Variants in AUTS2 observed in about 807,000 individuals in gnomAD.
AUTS2 encodes activator of transcription and developmental regulator AUTS2, also known as autism susceptibility gene 2 protein.
AUTS2 carries 17 observed loss-of-function variants against 112.4 expected under a neutral mutation model. That is an observed-to-expected ratio of 0.15 (90% CI 0.10 to 0.23). AUTS2 has a LOEUF of 0.23. Among genes scored for constraint, AUTS2 ranks in the 10% least tolerant of loss-of-function variants. The pLI is 1.00. For synonymous variants in AUTS2, 751 were observed against 702.7 expected (o/e 1.07, Z -1.09); for missense variants, 1,510 against 1,701.6 (o/e 0.89, Z 1.98).
At position 70,791,316 on chromosome 7, in the gene AUTS2, G is replaced by C. The variant is rs927272596; in HGVS notation, c.*320G>C. 13 of 215,524 alleles carry C rather than the reference G, an allele frequency of 6.0e-5. No individual in the cohort carries two copies. In the South Asian group the frequency reaches 1.1e-3, roughly 18 times the overall value. The allele number at this position is 215,524 out of a possible 1,614,324, so 13.4% of individuals were successfully genotyped here. On this transcript the variant is annotated 3_prime_UTR_variant, in exon 19 of 19. Coordinates refer to ENST00000342771, the MANE Select transcript of AUTS2 (RefSeq NM_015570.4). The stretch of plus-strand genomic sequence containing the variant: ...GATGATAATTGTAGCGGGGGCGGTG[G>C]GGGGGAGAAGTCCACGCCATCCATC...
intron 1 of AUTS2, among the ~76,000 whole-genome samples, chr7:69,725,636 C>T (rs745625975): frequency 1.4e-4 from 22 of 152,202 alleles, no homozygotes; most frequent in Non-Finnish European, 2.8e-4. Flanking sequence ...GGCTGGAGAA[C>T]TGGGTTTGTC....
chr7:70,007,000 C>T (rs968529154), intron 2 of AUTS2, among the ~76,000 whole-genome samples: 3 of 152,148 alleles, frequency 2.0e-5, no homozygotes, highest in Non-Finnish European at 4.4e-5. Context: ...TAGGTTTTCG[C>T]AAAGCAGAAT....
intron 2 of AUTS2, among the ~76,000 whole-genome samples, chr7:69,999,382 C>T (rs1271145571): frequency 6.6e-6 from 1 of 152,086 alleles, no homozygotes; most frequent in Non-Finnish European, 1.5e-5. Flanking sequence ...TGCTATCTTA[C>T]AATGAAGATA....
At chr7:70,273,123 A>C (rs1484449355) in intron 4 of AUTS2, among the ~76,000 whole-genome samples, 2 of 152,102 alleles carry the variant, frequency 1.3e-5, no homozygotes, top group African/African-American at 4.8e-5. Context: ...ATCTTGGCTC[A>C]CTGCAACCTC....
chr7:69,667,064 G>A (rs1218014940), intron 1 of AUTS2, among the ~76,000 whole-genome samples: 1 of 152,160 alleles, frequency 6.6e-6, no homozygotes, highest in Non-Finnish European at 1.5e-5. Context: ...CACATCTGGT[G>A]ATGGCCTTCT....
At chr7:69,665,601 A>G (rs1795995759) in intron 1 of AUTS2, among the ~76,000 whole-genome samples, 1 of 152,176 alleles carries the variant, frequency 6.6e-6, no homozygotes, top group African/African-American at 2.4e-5. Flanking sequence ...TACTTTGTCC[A>G]GCTGTTTCTT....
intron 6 of AUTS2, among the ~76,000 whole-genome samples, chr7:70,710,473 C>A (rs1372588711): frequency 6.6e-6 from 1 of 152,220 alleles, no homozygotes; most frequent in African/African-American, 2.4e-5. Flanking sequence ...TCATCTAGGT[C>A]TTTTTGACTG....
intron 4 of AUTS2, among the ~76,000 whole-genome samples, chr7:70,374,066 G>A (rs1161422064): frequency 6.6e-6 from 1 of 151,960 alleles, no homozygotes; most frequent in Non-Finnish European, 1.5e-5. Context: ...TTTTAGACAG[G>A]CAAGTTATAA....
At chr7:69,693,850 C>T (rs1797447038) in intron 1 of AUTS2, among the ~76,000 whole-genome samples, 1 of 152,190 alleles carries the variant, frequency 6.6e-6, no homozygotes. Flanking sequence ...AGCAGCATCC[C>T]TTGGGAATTT....
In AUTS2 at chr7:70,258,417, G is replaced by C. The variant is rs1786994710; in HGVS notation, c.660+123846G>C. On this transcript the variant is annotated intron_variant, in intron 4 of 18. Coordinates refer to ENST00000342771, the MANE Select transcript of AUTS2 (RefSeq NM_015570.4). ...TTCTGTGAACAGTGTTGGTTCAGCT[G>C]TTGCTCGGGAGTAGAAGCACATTTC... Among the ~76,000 whole-genome samples, 4 of 152,344 alleles carry C rather than the reference G, an allele frequency of 2.6e-5. 1 individual carries two copies. The Middle Eastern group carries it at 0.01, about 389-fold the overall frequency.
At chr7:70,101,653 C>G (rs997690533) in intron 2 of AUTS2, among the ~76,000 whole-genome samples, 1 of 152,064 alleles carries the variant, frequency 6.6e-6, no homozygotes, top group Admixed American at 6.5e-5. Flanking sequence ...TGAGGTTGTG[C>G]TACTGCACTC....
chr7:70,291,826 A>T (rs1475773058), intron 4 of AUTS2: 1 of 152,174 alleles, frequency 6.6e-6, no homozygotes, highest in Non-Finnish European at 1.5e-5. Context: ...AGAGAGAGAG[A>T]TTATTTTATA....
At chr7:69,909,844 G>A (rs1246164431) in intron 2 of AUTS2, among the ~76,000 whole-genome samples, 2 of 152,048 alleles carry the variant, frequency 1.3e-5, no homozygotes, top group South Asian at 2.1e-4. Flanking sequence ...CTATTTTCCT[G>A]GAGATTAGTG....
At chr7:69,757,949 G>A (rs1240994179) in intron 1 of AUTS2, among the ~76,000 whole-genome samples, 2 of 152,146 alleles carry the variant, frequency 1.3e-5, no homozygotes, top group East Asian at 1.9e-4. Flanking sequence ...TGGGATAAAC[G>A]TTTCACTAAA....
chr7:70,121,103 T>G (rs1805658355), intron 3 of AUTS2, among the ~76,000 whole-genome samples: 1 of 152,128 alleles, frequency 6.6e-6, no homozygotes, highest in Admixed American at 6.5e-5. Context: ...GGGGAAAGAA[T>G]TTTCTCTTTA....
chr7:69,667,799 C>T (rs1796137498), intron 1 of AUTS2, among the ~76,000 whole-genome samples: 1 of 152,144 alleles, frequency 6.6e-6, no homozygotes, highest in African/African-American at 2.4e-5. Context: ...GCGGCAATTA[C>T]CATTGGGATA....
At chr7:70,177,439 A>G (rs1809050385) in intron 4 of AUTS2, among the ~76,000 whole-genome samples, 1 of 152,218 alleles carries the variant, frequency 6.6e-6, no homozygotes. Context: ...CGTGGTGGTT[A>G]TGGGAGAAGA....
At chr7:70,786,788 A>G (rs370866305) in intron 17 of AUTS2, 46 of 307,502 alleles carry the variant, frequency 1.5e-4, no homozygotes, top group East Asian at 1.3e-3. Flanking sequence ...CTCTGGTGAC[A>G]CTTGAGAGGG....
intron 2 of AUTS2, among the ~76,000 whole-genome samples, chr7:70,014,571 C>CT (rs999308954): frequency 4.5e-4 from 69 of 152,194 alleles, no homozygotes; most frequent in African/African-American, 1.6e-3. Context: ...AGGCTGTATT[C>CT]TTTTTTTGCT....
Sources: allele counts gnomAD v4.1 joint callset (sites outside exome capture counted in the v4.1 genomes callset), GRCh38; gene constraint gnomAD v4.1.1; transcripts MANE v1.5; gene names NCBI Gene and HGNC (gene_info 2026-07-23, HGNC 2026-07-21).